Variants in SLC10A7 observed in about 807,000 individuals in gnomAD.
SLC10A7 encodes sodium/bile acid cotransporter 7.
SLC10A7 carries 29 observed loss-of-function variants against 43.2 expected under a neutral mutation model. That is an observed-to-expected ratio of 0.67 (90% CI 0.50 to 0.92). SLC10A7 has a LOEUF of 0.92. SLC10A7 is among the 40% of genes least tolerant of loss of function. SLC10A7 has a pLI of 0.00. For synonymous variants in SLC10A7, 152 were observed against 144.8 expected (o/e 1.05, Z -0.35); for missense variants, 295 against 403.2 (o/e 0.73, Z 2.30).
At chr4:146,320,508 G>A (rs762623265) in intron 6 of SLC10A7, among the ~76,000 whole-genome samples, 1 of 152,006 alleles carries the variant, frequency 6.6e-6, no homozygotes, top group African/African-American at 2.4e-5. Context: ...GATAGGAGCT[G>A]TTAATCAGAG....
chr4:146,335,250 G>GGAAAAA (rs772547279), intron 5 of SLC10A7, among the ~76,000 whole-genome samples: 4 of 70,602 alleles, frequency 5.7e-5, no homozygotes, highest in Admixed American at 2.3e-4. Context: ...CACAGATGTT[G>GGAAAAA]TAAAAAAAAA....
chr4:146,272,147 G>A lies in SLC10A7; in HGVS notation c.847+11045C>T, dbSNP rs760245744. Among the ~76,000 whole-genome samples the A allele has an allele frequency of 3.9e-4, 60 of 152,310 alleles. No individual in the cohort carries two copies. The South Asian group carries it at 7.0e-3, about 18-fold the overall frequency. ...AGTAAGTACCAAATAAACACTTGCT[G>A]AATGAATGAATGGATGATGTAGATT... On this transcript the variant is annotated intron_variant, in intron 10 of 11. Transcript: ENST00000335472.
chr4:146,402,221 ATATCTATC>A (rs375788579), intron 5 of SLC10A7, among the ~76,000 whole-genome samples: 14 of 152,264 alleles, frequency 9.2e-5, no homozygotes, highest in African/African-American at 2.6e-4. Flanking sequence ...TATCTATTTT[ATATCTATC>A]TATCTACATG....
chr4:146,444,312 G>T, intron 4 of SLC10A7, among the ~76,000 whole-genome samples: 1 of 152,078 alleles, frequency 6.6e-6, no homozygotes, highest in East Asian at 1.9e-4. Context: ...GTAAAGGAAG[G>T]AGGTCTTCCC....
intron 4 of SLC10A7, among the ~76,000 whole-genome samples, chr4:146,445,705 G>A (rs545988601): frequency 1.3e-5 from 2 of 152,220 alleles, no homozygotes; most frequent in East Asian, 3.9e-4. Flanking sequence ...TTAATGTGGA[G>A]GACTTTGTTG....
intron 5 of SLC10A7, among the ~76,000 whole-genome samples, chr4:146,392,580 G>C (rs1468935924): frequency 2.0e-5 from 3 of 152,060 alleles, no homozygotes; most frequent in African/African-American, 7.2e-5. Context: ...AATTGGCAAT[G>C]CCAATTATGT....
rs1727849629 is a variant in SLC10A7 at position 146,255,614 on chromosome 4, A to T, written c.*877T>A. The T allele has an allele frequency of 6.6e-6, 1 of 152,276 alleles. No individual in the cohort carries two copies. The highest frequency in any genetic ancestry group is 1.5e-5 in the Non-Finnish European group (1 of 68,036). 9.4% of individuals were successfully genotyped at this position (152,276 alleles called of 1,614,324 possible). On this transcript the variant is annotated 3_prime_UTR_variant, in exon 12 of 12. Coordinates refer to ENST00000335472, the MANE Select transcript of SLC10A7 (RefSeq NM_001029998.6). The stretch of plus-strand genomic sequence containing the variant: ...AGCACATCTGCGTAATAGGAAAAAA[A>T]TTTGGTCTGGGTTGTGGAATGTGAA...
At position 146,256,654 on chromosome 4, in the gene SLC10A7, C is replaced by A. The variant is rs1727903122; in HGVS notation, c.994-134G>T. ...CAGATGGCATCATATAACCAATAAT[C>A]CAAACCTCTGGATACAAACAGATTT... On this transcript the variant is annotated intron_variant, in intron 11 of 11. Transcript: ENST00000335472. The A allele has an allele frequency of 6.4e-6, 7 of 1,098,478 alleles. No homozygotes were observed. In the South Asian group the frequency reaches 6.9e-5, roughly 11 times the overall value. The allele number at this position is 1,098,478 out of a possible 1,614,324, so 68.0% of individuals were successfully genotyped here.
chr4:146,483,913 T>C (rs1370242228), intron 4 of SLC10A7, among the ~76,000 whole-genome samples: 2 of 152,140 alleles, frequency 1.3e-5, no homozygotes, highest in African/African-American at 4.8e-5. Context: ...AAGGGGTCAA[T>C]TCATCAAGAG....
intron 5 of SLC10A7, among the ~76,000 whole-genome samples, chr4:146,393,484 C>T (rs1420502767): frequency 6.6e-6 from 1 of 152,172 alleles, no homozygotes; most frequent in Non-Finnish European, 1.5e-5. Flanking sequence ...TTGACATAAT[C>T]AGTAGCTTAA....
chr4:146,461,078 T>C (rs1281301935), intron 4 of SLC10A7, among the ~76,000 whole-genome samples: 1 of 152,002 alleles, frequency 6.6e-6, no homozygotes. Context: ...TCTTTTCACG[T>C]CATTATTTTC....
At chr4:146,411,267 C>T (rs188245117) in intron 5 of SLC10A7, among the ~76,000 whole-genome samples, 29 of 152,256 alleles carry the variant, frequency 1.9e-4, no homozygotes, top group African/African-American at 6.0e-4. Flanking sequence ...CTACAGACCA[C>T]CGTGGTGCCC....
At position 146,448,325 on chromosome 4, in the gene SLC10A7, G is replaced by A. The variant is rs193253557; in HGVS notation, c.397-5504C>T. Among the ~76,000 whole-genome samples, 11 of 152,056 alleles carry A rather than the reference G, an allele frequency of 7.2e-5. No individual in the cohort carries two copies. In the South Asian group the frequency reaches 1.0e-3, roughly 14 times the overall value. ...CTTTCATTGCTGAAAGGCTCTAAAC[G>A]TTATGTTCTACCTTAAGCCTACCAT... On this transcript the variant is annotated intron_variant, in intron 4 of 11. Coordinates refer to ENST00000335472, the MANE Select transcript of SLC10A7 (RefSeq NM_001029998.6).
At chr4:146,264,838 CCT>C (rs1728456407) in intron 10 of SLC10A7, among the ~76,000 whole-genome samples, 1 of 152,134 alleles carries the variant, frequency 6.6e-6, no homozygotes, top group African/African-American at 2.4e-5. Context: ...TCCCTTTTCC[CCT>C]CAGTTTTCAC....
chr4:146,263,857 A>G (rs1312625447), intron 10 of SLC10A7, among the ~76,000 whole-genome samples: 1 of 152,260 alleles, frequency 6.6e-6, no homozygotes, highest in Non-Finnish European at 1.5e-5. Context: ...TTCTGACTAA[A>G]GTAATTTCCA....
rs1730140215 is a variant in SLC10A7, at chr4:146,287,911, T to C, written c.774-4646A>G. ...TTTCAAGGTTACAGCACATTTCCAG[T>C]GTGTCACAGTCTCTCTGGTCAAGGA... On this transcript the variant is annotated intron_variant, in intron 9 of 11. Coordinates refer to ENST00000335472, the MANE Select transcript of SLC10A7 (RefSeq NM_001029998.6). Among the ~76,000 whole-genome samples, 3 of 152,342 alleles carry C rather than the reference T, an allele frequency of 2.0e-5. No individual in the cohort carries two copies. In the East Asian group the frequency reaches 5.8e-4, roughly 29 times the overall value.
At chr4:146,326,447 T>A (rs1164231505) in intron 5 of SLC10A7, among the ~76,000 whole-genome samples, 1 of 152,190 alleles carries the variant, frequency 6.6e-6, no homozygotes, top group African/African-American at 2.4e-5. Context: ...CATGATTTTG[T>A]AATGTGAACT....
rs530952407 is a variant in SLC10A7 at position 146,254,717 on chromosome 4, G to C, written c.*1774C>G. Reference sequence around the variant, plus strand: ...TTTATGATAGGGCAGATAGATGACAGACAGACAGACACTTCCATTTACTCC... The same window carrying C: ...TTTATGATAGGGCAGATAGATGACACACAGACAGACACTTCCATTTACTCC... On this transcript the variant is annotated 3_prime_UTR_variant, in exon 12 of 12. Coordinates refer to ENST00000335472, the MANE Select transcript of SLC10A7 (RefSeq NM_001029998.6). 1 of 152,276 alleles carries C rather than the reference G, an allele frequency of 6.6e-6. No homozygotes were observed. The highest frequency in any genetic ancestry group is 2.4e-5 in the African/African-American group (1 of 41,550). The allele number at this position is 152,276 out of a possible 1,614,324, so 9.4% of individuals were successfully genotyped here.
At chr4:146,309,249 C>T (rs149784618) in intron 6 of SLC10A7, among the ~76,000 whole-genome samples, 133 of 152,262 alleles carry the variant, frequency 8.7e-4, no homozygotes, top group African/African-American at 3.1e-3. Flanking sequence ...TTGTACCTCT[C>T]GGAATCCTTG....
Sources: gnomAD v4.1 joint callset for allele counts (sites outside exome capture counted in the v4.1 genomes callset) on GRCh38, gnomAD v4.1.1 for gene constraint, MANE v1.5 for transcripts, NCBI Gene and HGNC (gene_info 2026-07-23, HGNC 2026-07-21) for gene names.